FBXL13: variants seen among roughly 807,000 people sequenced by gnomAD.
FBXL13 encodes the protein F-box and leucine rich repeat protein 13.
Under a neutral mutation model 83.6 loss-of-function variants are expected in FBXL13, and 67 were observed. The observed-to-expected ratio is 0.80, with a 90% CI of 0.66 to 0.98. The LOEUF is 0.98. FBXL13 is among the 50% of genes least tolerant of loss of function. FBXL13 has a pLI of 0.00. For synonymous variants in FBXL13, 272 were observed against 299.5 expected (o/e 0.91, Z 0.95); for missense variants, 822 against 866.5 (o/e 0.95, Z 0.64).
At chr7:103,034,360 T>G (rs1794851629) in intron 2 of FBXL13, among the ~76,000 whole-genome samples, 1 of 152,170 alleles carries the variant, frequency 6.6e-6, no homozygotes, top group Admixed American at 6.5e-5. Flanking sequence ...GGCTCAGGCA[T>G]GGCGGACTGC....
At chr7:103,014,321 C>T (rs1285451487) in intron 6 of FBXL13, among the ~76,000 whole-genome samples, 2 of 152,100 alleles carry the variant, frequency 1.3e-5, no homozygotes, top group Non-Finnish European at 2.9e-5. Flanking sequence ...CACTACTGCA[C>T]TCCAGCCTGG....
upstream of FBXL13, chr7:103,074,709 G>C (rs947803959): frequency 2.3e-6 from 3 of 1,289,826 alleles, no homozygotes; most frequent in South Asian, 3.7e-5. Flanking sequence ...GCAGACCTGA[G>C]GAATGTAGTT....
intron 10 of FBXL13, among the ~76,000 whole-genome samples, chr7:102,920,801 T>C (rs1816817280): frequency 6.6e-6 from 1 of 152,150 alleles, no homozygotes; most frequent in Non-Finnish European, 1.5e-5. Flanking sequence ...CAGAGAAATG[T>C]AGTTATTCCA....
chr7:102,963,690 T>G, intron 7 of FBXL13, 25 bp from the exon 9 acceptor site: 1 of 1,574,696 alleles, frequency 6.4e-7, no homozygotes, highest in Non-Finnish European at 8.6e-7. Context: ...CAAAATGCAT[T>G]AAGAAATGAG....
intron 10 of FBXL13, among the ~76,000 whole-genome samples, chr7:102,922,180 A>T (rs1481032145): frequency 6.6e-6 from 1 of 150,460 alleles, no homozygotes; most frequent in Admixed American, 6.6e-5. Context: ...ACAGAGGAAG[A>T]CTCTGTCTCA....
intron 14 of FBXL13, among the ~76,000 whole-genome samples, chr7:102,880,526 T>C (rs912193382): frequency 2.0e-5 from 3 of 152,216 alleles, no homozygotes; most frequent in African/African-American, 7.2e-5. Flanking sequence ...TTTTATTATG[T>C]TTGGTTGTCT....
intron 8 of FBXL13, among the ~76,000 whole-genome samples, chr7:102,932,908 GA>G (rs1179819947): frequency 3.1e-4 from 47 of 152,304 alleles, no homozygotes; most frequent in Middle Eastern, 6.8e-3. Context: ...ATAGTTATTT[GA>G]GAGTAATTCA....
intron 11 of FBXL13, among the ~76,000 whole-genome samples, chr7:102,907,613 T>C (rs1225841534): frequency 1.3e-5 from 2 of 152,142 alleles, no homozygotes; most frequent in African/African-American, 4.8e-5. Context: ...GAATGATGGT[T>C]CCCAGCTTCA....
intron 8 of FBXL13, among the ~76,000 whole-genome samples, chr7:102,941,904 G>A (rs551678906): frequency 6.6e-6 from 1 of 152,290 alleles, no homozygotes; most frequent in East Asian, 1.9e-4. Context: ...AGATAATAGT[G>A]TAAAATGGAC....
intron 16 of FBXL13, among the ~76,000 whole-genome samples, chr7:102,873,923 C>T (rs1808876446): frequency 6.6e-6 from 1 of 152,184 alleles, no homozygotes; most frequent in Non-Finnish European, 1.5e-5. Flanking sequence ...ACTCATCATA[C>T]TTTGTAACCA....
intron 6 of FBXL13, among the ~76,000 whole-genome samples, chr7:103,021,329 A>C (rs1463076187): frequency 2.0e-5 from 3 of 152,200 alleles, no homozygotes; most frequent in Non-Finnish European, 4.4e-5. Context: ...TACAAAAATT[A>C]ATTCAAGATG....
At chr7:102,898,203 C>T (rs1489723280) in intron 11 of FBXL13, among the ~76,000 whole-genome samples, 1 of 152,088 alleles carries the variant, frequency 6.6e-6, no homozygotes, top group Admixed American at 6.6e-5. Flanking sequence ...TGTATATATA[C>T]ACCCATGTAT....
chr7:102,931,738 A>G (rs919381574), intron 9 of FBXL13, 143 bp downstream of exon 10: 22 of 674,534 alleles, frequency 3.3e-5, no homozygotes, highest in Non-Finnish European at 4.7e-5. Flanking sequence ...ATGGAGTAAA[A>G]TTTCTTGTCA....
At chr7:102,913,615 A>C (rs1049784544) in intron 10 of FBXL13, among the ~76,000 whole-genome samples, 1 of 152,214 alleles carries the variant, frequency 6.6e-6, no homozygotes, top group African/African-American at 2.4e-5. Flanking sequence ...TAATGTGCAA[A>C]ATATATAAAA....
At chr7:103,028,793 G>A (rs1406729837) in intron 3 of FBXL13, 45 bp from the exon 5 acceptor site, 52 of 1,431,336 alleles carry the variant, frequency 3.6e-5, no homozygotes, top group Non-Finnish European at 4.7e-5. Flanking sequence ...TTTGATATTA[G>A]GGCAATATAT....
At chr7:103,038,892 A>G (rs10257836) in intron 2 of FBXL13, among the ~76,000 whole-genome samples, 3,005 of 152,356 alleles carry the variant, frequency 0.02, 104 homozygotes, top group African/African-American at 0.067. Flanking sequence ...TGAAAATTCC[A>G]AAAGACACAG....
At chr7:102,931,794 C>A in intron 9 of FBXL13, 87 bp downstream of exon 10, 1 of 1,250,464 alleles carries the variant, frequency 8.0e-7, no homozygotes, top group South Asian at 1.4e-5. Flanking sequence ...CCCAAATAAG[C>A]ACACAAGCAT....
Position 102,934,506 on chromosome 7 carries a change from A to G in FBXL13, c.725-2573T>C, listed in dbSNP as rs760912570. The G allele has an allele frequency of 2.5e-6, 4 of 1,612,626 alleles. No homozygotes were observed. The East Asian group carries it at 8.9e-5, about 36-fold the overall frequency. On this transcript the variant is annotated intron_variant, in intron 8 of 19. Transcript: ENST00000313221. ...GCCAAGTGTGAAAGTCCACAAGAAC[A>G]AAAAAATAAAAAACTGCGGCAGATA...
chr7:102,947,799 A>C (rs1156936839), intron 8 of FBXL13, among the ~76,000 whole-genome samples: 1 of 151,838 alleles, frequency 6.6e-6, no homozygotes, highest in Non-Finnish European at 1.5e-5. Context: ...AAAAAAAAAA[A>C]CCCTTTCCTA....
Sources: gnomAD v4.1 joint callset for allele counts (sites outside exome capture counted in the v4.1 genomes callset) on GRCh38, gnomAD v4.1.1 for gene constraint, MANE v1.5 for transcripts, NCBI Gene and HGNC (gene_info 2026-07-23, HGNC 2026-07-21) for gene names.